Variants in NAB1 observed in about 807,000 individuals in gnomAD.
NAB1 encodes the protein NGFI-A binding protein 1, also known as NGFI-A-binding protein 1.
A neutral mutation model predicts 49.9 loss-of-function variants in NAB1; 25 were observed. That is an observed-to-expected ratio of 0.50 (90% CI 0.37 to 0.70). The LOEUF (loss-of-function observed/expected upper bound fraction) is 0.70. Ranked by LOEUF, NAB1 falls within the 30% of genes least tolerant of loss-of-function variation. The pLI is 0.00. For missense variants in NAB1, 489 were observed against 575.9 expected, an observed-to-expected ratio of 0.85 and a Z score of 1.54; for synonymous variants, 198 against 215.6, an observed-to-expected ratio of 0.92 and a Z score of 0.71.
At position 190,674,368 on chromosome 2, in the gene NAB1, T is replaced by C. The variant is rs921283464; in HGVS notation, c.1005+1216T>C. 2.0e-5 allele frequency among the ~76,000 whole-genome samples: 3 copies of C among 152,182 alleles called. No individual in the cohort carries two copies. Among genetic ancestry groups the C allele is most frequent in the Non-Finnish European group, 4.4e-5 (3 of 68,038 alleles). ...GTTTTCCCCCTACCTAGACTTCTGT[T>C]TCTTTAGATGGCTTCAAGTCACAGC... On this transcript the variant is annotated intron_variant, in intron 6 of 9. Transcript: ENST00000337386. The surrounding 1 kb of genome is among the most constrained non-coding windows in gnomAD (Gnocchi z 5.7).
In NAB1 at chr2:190,649,628, G is replaced by A. The variant is rs1401695187; in HGVS notation, c.-333-218G>A. Reference sequence around the variant, plus strand: ...ACTCGTGCATTTTCCCTCCGAGAAAGGTTGGGGTGCCGAGTCCGTTTTGCT... The same window carrying A: ...ACTCGTGCATTTTCCCTCCGAGAAAAGTTGGGGTGCCGAGTCCGTTTTGCT... On this transcript the variant is annotated intron_variant, in intron 1 of 9. Transcript: ENST00000337386. The surrounding 1 kb of genome is among the most constrained non-coding windows in gnomAD (Gnocchi z 6.1). 1.3e-5 allele frequency among the ~76,000 whole-genome samples: 2 copies of A among 152,074 alleles called. No individual in the cohort carries two copies. The highest frequency in any genetic ancestry group is 2.9e-5 in the Non-Finnish European group (2 of 67,996).
Position 190,670,779 on chromosome 2 carries a change from T to C in NAB1, c.953+320T>C, listed in dbSNP as rs1350862157. 6.6e-6 allele frequency among the ~76,000 whole-genome samples: 1 copy of C among 152,218 alleles called. No homozygotes were observed. The highest frequency in any genetic ancestry group is 1.5e-5 in the Non-Finnish European group (1 of 68,026). On this transcript the variant is annotated intron_variant, in intron 5 of 9. Coordinates refer to ENST00000337386, the MANE Select transcript of NAB1 (RefSeq NM_005966.4). The surrounding 1 kb of genome is among the most constrained non-coding windows in gnomAD (Gnocchi z 5.3). The stretch of plus-strand genomic sequence containing the variant: ...TTTAGTCAGACAGCATTTATAGACG[T>C]ATTTGTACACCCGCTAACTACGTGA...
intron 2 of NAB1, among the ~76,000 whole-genome samples, chr2:190,650,946 G>C (rs1477838416): frequency 2.0e-5 from 3 of 152,106 alleles, no homozygotes; most frequent in African/African-American, 7.2e-5. Context: ...GGAACTTCTG[G>C]AAGAAGCTTT....
At chr2:190,688,081 A>C (rs959340242) in intron 9 of NAB1, among the ~76,000 whole-genome samples, 1 of 152,220 alleles carries the variant, frequency 6.6e-6, no homozygotes, top group African/African-American at 2.4e-5. Flanking sequence ...AAAGCATTAG[A>C]GACCAGCACA....
Position 190,678,580 on chromosome 2 carries a change from G to A in NAB1, c.1006-5158G>A, listed in dbSNP as rs1018303953. Among the ~76,000 whole-genome samples, 1 of 150,240 alleles carries A rather than the reference G, an allele frequency of 6.7e-6. No homozygotes were observed. The highest frequency in any genetic ancestry group is 1.5e-5 in the Non-Finnish European group (1 of 67,692). ...GCAAAGCATTCAGAGATAAGTGGAT[G>A]AAAGAAATGAGGTTTGTTAATAGAG... On this transcript the variant is annotated intron_variant, in intron 6 of 9. Coordinates refer to ENST00000337386, the MANE Select transcript of NAB1 (RefSeq NM_005966.4). This position sits in a 1 kb window ranked among gnomAD's most constrained non-coding sequence, Gnocchi z 4.9.
chr2:190,687,126 C>A, intron 8 of NAB1, 75 bp from the exon 9 acceptor site: 1 of 886,154 alleles, frequency 1.1e-6, no homozygotes, highest in Non-Finnish European at 1.6e-6. Context: ...AAGGAGTGTT[C>A]AGGCAAAATT....
At position 190,678,700 on chromosome 2, in the gene NAB1, G is replaced by A. The variant is rs950813438; in HGVS notation, c.1006-5038G>A. ...AAGGTGGGGGTGGGAGAGCAAGGAAGGGGGAGGAAAGAGGTTCAGAATATC... is the reference window on the plus strand; with the variant it reads ...AAGGTGGGGGTGGGAGAGCAAGGAAAGGGGAGGAAAGAGGTTCAGAATATC... On this transcript the variant is annotated intron_variant, in intron 6 of 9. Transcript: ENST00000337386. This position sits in a 1 kb window ranked among gnomAD's most constrained non-coding sequence, Gnocchi z 4.9. Among the ~76,000 whole-genome samples the A allele has an allele frequency of 3.3e-5, 5 of 152,156 alleles. No individual in the cohort carries two copies. The highest frequency in any genetic ancestry group is 7.4e-5 in the Non-Finnish European group (5 of 68,016).
At position 190,690,555 on chromosome 2, in the gene NAB1, TTCA is replaced by T; in HGVS notation, c.*224_*226del. 2.4e-6 allele frequency: 1 copy of T among 423,878 alleles called. No individual in the cohort carries two copies. Among genetic ancestry groups the T allele is most frequent in the Admixed American group, 3.9e-5 (1 of 25,964 alleles). The allele number at this position is 423,878 out of a possible 1,614,324, so 26.3% of individuals were successfully genotyped here. On this transcript the variant is annotated 3_prime_UTR_variant, in exon 10 of 10. Coordinates refer to ENST00000337386, the MANE Select transcript of NAB1 (RefSeq NM_005966.4). ...TTGCAATCTATAACAGTAATATTGA[TTCA>T]TTCACATTCCTGTGTTAAGTCATTT...
Position 190,691,759 on chromosome 2 carries a change from A to C in NAB1, c.*1426A>C, listed in dbSNP as rs1442598705. 1.3e-5 allele frequency: 2 copies of C among 152,128 alleles called. No homozygotes were observed. Among genetic ancestry groups the C allele is most frequent in the African/African-American group, 2.4e-5 (1 of 41,446 alleles). The allele number at this position is 152,128 out of a possible 1,614,324, so 9.4% of individuals were successfully genotyped here. A position where few individuals can be genotyped will look rare whatever the true frequency, so the allele number is the denominator to read the frequency against. ...AGTGTATTGACTCTGAGTGTAAGAG[A>C]GTATGTGTTTTTTTGTTTTTAGTTC... On this transcript the variant is annotated 3_prime_UTR_variant, in exon 10 of 10. Transcript: ENST00000337386. The surrounding 1 kb of genome is among the most constrained non-coding windows in gnomAD (Gnocchi z 4.1).
In NAB1 at chr2:190,680,398, A is replaced by G. The variant is rs374750711; in HGVS notation, c.1006-3340A>G. 5.9e-5 allele frequency among the ~76,000 whole-genome samples: 9 copies of G among 152,216 alleles called. No homozygotes were observed. Among genetic ancestry groups the G allele is most frequent in the African/African-American group, 2.2e-4 (9 of 41,524 alleles). ...TGCCCTGTTCTTTTTGCCTCCAGGC[A>G]TCTGTACCAGCTGCTTTCTTTTGGA... On this transcript the variant is annotated intron_variant, in intron 6 of 9. Coordinates refer to ENST00000337386, the MANE Select transcript of NAB1 (RefSeq NM_005966.4). This position sits in a 1 kb window ranked among gnomAD's most constrained non-coding sequence, Gnocchi z 5.2.
In NAB1 at chr2:190,670,586, AAAC is replaced by A; in HGVS notation, c.953+130_953+132del. ...AGTATGATTATTGTTCTATGAAACT[AAAC>A]AATGCAGTGATTTTGAAAACATTGC... On this transcript the variant is annotated intron_variant, in intron 5 of 9. Coordinates refer to ENST00000337386, the MANE Select transcript of NAB1 (RefSeq NM_005966.4). The surrounding 1 kb of genome is among the most constrained non-coding windows in gnomAD (Gnocchi z 5.3). 1 of 1,015,842 alleles carries A rather than the reference AAAC, an allele frequency of 9.8e-7. No homozygotes were observed. Among genetic ancestry groups the A allele is most frequent in the Non-Finnish European group, 1.4e-6 (1 of 705,122 alleles). The allele number at this position is 1,015,842 out of a possible 1,614,324, so 62.9% of individuals were successfully genotyped here. A position where few individuals can be genotyped will look rare whatever the true frequency, so the allele number is the denominator to read the frequency against.
rs1694083711 is a variant in NAB1 at position 190,659,095 on chromosome 2, A to AGGAG, written c.-19-63_-19-62insGGAG. 1 of 1,081,802 alleles carries AGGAG rather than the reference A, an allele frequency of 9.2e-7. No homozygotes were observed. The highest frequency in any genetic ancestry group is 1.6e-5 in the African/African-American group (1 of 62,008). 67.0% of individuals were successfully genotyped at this position (1,081,802 alleles called of 1,614,324 possible). On this transcript the variant is annotated intron_variant, in intron 3 of 9. Coordinates refer to ENST00000337386, the MANE Select transcript of NAB1 (RefSeq NM_005966.4). This position sits in a 1 kb window ranked among gnomAD's most constrained non-coding sequence, Gnocchi z 6.2. ...GTTCTTAAAACCTGTAGTGTAACCTATTTGGTGTAAGGAGTTTGAAGCAAG... is the reference window on the plus strand; with the variant it reads ...GTTCTTAAAACCTGTAGTGTAACCTAGGAGTTTGGTGTAAGGAGTTTGAAGCAAG...
chr2:190,690,345 C>T lies in NAB1; in HGVS notation c.*12C>T, dbSNP rs1285026408. 6.4e-7 allele frequency: 1 copy of T among 1,573,232 alleles called. No individual in the cohort carries two copies. The highest frequency in any genetic ancestry group is 2.2e-5 in the East Asian group (1 of 44,568). On this transcript the variant is annotated 3_prime_UTR_variant, in exon 10 of 10. Transcript: ENST00000337386. ...AAGATTCAAGATAGCTGTGATTTCT[C>T]TCACCGTTCTCTGGAAATGGCATCA...
At chr2:190,653,335 T>C (rs1693762768) in intron 2 of NAB1, among the ~76,000 whole-genome samples, 1 of 152,200 alleles carries the variant, frequency 6.6e-6, no homozygotes, top group Admixed American at 6.5e-5. Flanking sequence ...AAGAAAACAA[T>C]CTGATGGAAC....
In NAB1 at chr2:190,667,927, G is replaced by A. The variant is rs1288076854; in HGVS notation, c.820-2399G>A. Among the ~76,000 whole-genome samples the A allele has an allele frequency of 3.9e-5, 6 of 152,068 alleles. No homozygotes were observed. Among genetic ancestry groups the A allele is most frequent in the Non-Finnish European group, 5.9e-5 (4 of 67,970 alleles). ...CTTAAAAAAAAATCCCATTACATAT[G>A]ATGAAGAGTTAATGCTGTTAATAAA... On this transcript the variant is annotated intron_variant, in intron 4 of 9. Transcript: ENST00000337386. The surrounding 1 kb of genome is among the most constrained non-coding windows in gnomAD (Gnocchi z 4.4).
rs781697323 is a variant in NAB1 at position 190,670,304 on chromosome 2, A to C, written c.820-22A>C. 6.3e-7 allele frequency: 1 copy of C among 1,578,918 alleles called. No homozygotes were observed. Among genetic ancestry groups the C allele is most frequent in the Admixed American group, 2.0e-5 (1 of 50,132 alleles). On this transcript the variant is annotated intron_variant, in intron 4 of 9. Transcript: ENST00000337386. The surrounding 1 kb of genome is among the most constrained non-coding windows in gnomAD (Gnocchi z 5.3). ...TGAAATTAAAATGTTCTTAATTTTGAAACTCTGTTTTGGATATCCAGCTCA... is the reference window on the plus strand; with the variant it reads ...TGAAATTAAAATGTTCTTAATTTTGCAACTCTGTTTTGGATATCCAGCTCA...
Position 190,659,027 on chromosome 2 carries a change from G to A in NAB1, c.-19-131G>A. Reference sequence around the variant, plus strand: ...ATGAGATAAAGTATGTAGAGAGAATGCTGCCTTCACAGGCAGTCACGATGC... The same window carrying A: ...ATGAGATAAAGTATGTAGAGAGAATACTGCCTTCACAGGCAGTCACGATGC... On this transcript the variant is annotated intron_variant, in intron 3 of 9. Transcript: ENST00000337386. This position sits in a 1 kb window ranked among gnomAD's most constrained non-coding sequence, Gnocchi z 6.2. 1.6e-6 allele frequency: 1 copy of A among 620,330 alleles called. No homozygotes were observed. The highest frequency in any genetic ancestry group is 2.8e-6 in the Non-Finnish European group (1 of 359,728). The allele number at this position is 620,330 out of a possible 1,614,324, so 38.4% of individuals were successfully genotyped here.
rs1695782257 is a variant in NAB1, at chr2:190,689,061, T to G, written c.1376-1184T>G. ...TACCGTGGTCTCAATCTCCTGACCT[T>G]GTGATCCGCCCGCCTCGGCCCCACA... On this transcript the variant is annotated intron_variant, in intron 9 of 9. Coordinates refer to ENST00000337386, the MANE Select transcript of NAB1 (RefSeq NM_005966.4). The surrounding 1 kb of genome is among the most constrained non-coding windows in gnomAD (Gnocchi z 4.3). Among the ~76,000 whole-genome samples the G allele has an allele frequency of 6.6e-6, 1 of 152,050 alleles. No homozygotes were observed. Among genetic ancestry groups the G allele is most frequent in the African/African-American group, 2.4e-5 (1 of 41,404 alleles).
At position 190,670,505 on chromosome 2, in the gene NAB1, AG is replaced by A; in HGVS notation, c.953+47del. On this transcript the variant is annotated intron_variant, in intron 5 of 9. Transcript: ENST00000337386. The surrounding 1 kb of genome is among the most constrained non-coding windows in gnomAD (Gnocchi z 5.3). ...CATTATTTTTGCATTGCTTGAGAGA[AG>A]TAGAGTTCGAAACATCATCTATTGA... 6.3e-7 allele frequency: 1 copy of A among 1,593,360 alleles called. No individual in the cohort carries two copies. The highest frequency in any genetic ancestry group is 8.6e-7 in the Non-Finnish European group (1 of 1,165,394).
Sources: allele counts gnomAD v4.1 joint callset (sites outside exome capture counted in the v4.1 genomes callset), GRCh38; gene constraint gnomAD v4.1.1; non-coding constraint Gnocchi (gnomAD v3.1); transcripts MANE v1.5; gene names NCBI Gene and HGNC (gene_info 2026-07-23, HGNC 2026-07-21).